The following FBXO25 variants were observed in gnomAD, a reference collection of about 807,000 sequenced individuals.
FBXO25 encodes the protein F-box protein 25.
FBXO25 carries 45 observed loss-of-function variants against 51.9 expected under a neutral mutation model. That is an observed-to-expected ratio of 0.87 (90% confidence interval 0.68 to 1.11). The LOEUF (loss-of-function observed/expected upper bound fraction) is 1.11. FBXO25 is among the 50% of genes most tolerant of loss of function. FBXO25 has a pLI of 0.00. For synonymous variants in FBXO25, 199 were observed against 151.0 expected, an observed-to-expected ratio of 1.32 and a Z score of -2.33; for missense variants, 507 against 428.5, an observed-to-expected ratio of 1.18 and a Z score of -1.62.
At chr8:442,016 T>C (rs532320971) in intron 5 of FBXO25, among the ~76,000 whole-genome samples, 4 of 152,332 alleles carry the variant, frequency 2.6e-5, no homozygotes, top group Admixed American at 6.5e-5. Context: ...TATAAAATAA[T>C]GACCTGGCAA....
intron 8 of FBXO25, among the ~76,000 whole-genome samples, chr8:462,585 C>G (rs1005567436): frequency 2.6e-5 from 4 of 152,272 alleles, no homozygotes; most frequent in South Asian, 2.1e-4. Flanking sequence ...ACTACACTGC[C>G]TTTGAAAAAT....
intron 8 of FBXO25, 62 bp from the exon 9 acceptor site, chr8:462,945 A>T: frequency 6.5e-7 from 1 of 1,531,758 alleles, no homozygotes. Context: ...AAAGTTTTAC[A>T]CCTAATATTA....
intron 7 of FBXO25, among the ~76,000 whole-genome samples, chr8:457,427 G>T (rs1469060594): frequency 6.6e-6 from 1 of 152,154 alleles, no homozygotes; most frequent in Admixed American, 6.5e-5. Flanking sequence ...CCTCAGCCTG[G>T]CACGTGCACA....
At chr8:434,437 A>T (rs141582180) in intron 4 of FBXO25, among the ~76,000 whole-genome samples, 3,423 of 152,306 alleles carry the variant, frequency 0.022, 116 homozygotes, top group African/African-American at 0.079. Context: ...CAGAGTTCCC[A>T]GGAAAATGTT....
At chr8:457,309 C>G (rs35157287) in intron 7 of FBXO25, among the ~76,000 whole-genome samples, 20,222 of 152,184 alleles carry the variant, frequency 0.13, 1,421 homozygotes, top group South Asian at 0.18. Flanking sequence ...AAGTCTGAAA[C>G]AGTTTGAGCT....
At chr8:443,154 G>A (rs1798532084) in intron 5 of FBXO25, among the ~76,000 whole-genome samples, 1 of 151,036 alleles carries the variant, frequency 6.6e-6, no homozygotes, top group Admixed American at 6.6e-5. Context: ...ATTGAACATA[G>A]ATTGCTGACG....
intron 5 of FBXO25, among the ~76,000 whole-genome samples, chr8:439,308 T>C (rs1255379921): frequency 1.3e-5 from 2 of 152,032 alleles, no homozygotes; most frequent in African/African-American, 4.8e-5. Context: ...GCTTGGGAGG[T>C]CCATGCAGGG....
At chr8:415,415 G>A (rs774451827) in intron 2 of FBXO25, among the ~76,000 whole-genome samples, 2 of 152,222 alleles carry the variant, frequency 1.3e-5, no homozygotes, top group African/African-American at 2.4e-5. Context: ...CAACATTCAT[G>A]ATATTACTGA....
In FBXO25 at chr8:473,329, CAG is replaced by C. The variant is rs1800542271; in HGVS notation, c.*4526_*4527del. ...AAAAGCCCTGGCTCACAGCATGAGA[CAG>C]TGTGTTCTAGGTGGTAACGTGGCAC... On this transcript the variant is annotated 3_prime_UTR_variant, in exon 10 of 10. Transcript: ENST00000350302. The C allele has an allele frequency of 6.6e-6, 1 of 152,322 alleles. No homozygotes were observed. The allele number at this position is 152,322 out of a possible 1,614,324, so 9.4% of individuals were successfully genotyped here.
At chr8:457,837 C>T (rs895309862) in intron 7 of FBXO25, among the ~76,000 whole-genome samples, 4 of 152,200 alleles carry the variant, frequency 2.6e-5, no homozygotes, top group Non-Finnish European at 5.9e-5. Flanking sequence ...GAAAAAAACC[C>T]CACAAAGCTA....
chr8:456,944 C>T (rs900851551), intron 7 of FBXO25, among the ~76,000 whole-genome samples: 7 of 152,186 alleles, frequency 4.6e-5, no homozygotes, highest in Non-Finnish European at 7.3e-5. Context: ...CTCCACTCTC[C>T]ACAGAGGTCA....
intron 1 of FBXO25, 116 bp from the exon 2 acceptor site, chr8:412,957 A>G: frequency 1.0e-6 from 1 of 953,992 alleles, no homozygotes; most frequent in Non-Finnish European, 1.5e-6. Context: ...CGTTTAATTA[A>G]TGAGCAGACA....
At chr8:462,918 A>C in intron 8 of FBXO25, 89 bp from the exon 9 acceptor site, 1 of 1,453,966 alleles carries the variant, frequency 6.9e-7, no homozygotes, top group Non-Finnish European at 9.3e-7. Context: ...AGAAATTAAA[A>C]ACTAAAATAA....
chr8:469,091 T>C lies in FBXO25; in HGVS notation c.*287T>C, dbSNP rs927805761. ...CTATATATATAGTTCAAAAATACTT[T>C]AGGTGGTCAGCTCCACATTCTTTGT... On this transcript the variant is annotated 3_prime_UTR_variant, in exon 10 of 10. Coordinates refer to ENST00000350302, the MANE Select transcript of FBXO25 (RefSeq NM_183420.2). 8 of 294,674 alleles carry C rather than the reference T, an allele frequency of 2.7e-5. No homozygotes were observed. The East Asian group carries it at 3.7e-4, about 14-fold the overall frequency. The allele number at this position is 294,674 out of a possible 1,614,324, so 18.3% of individuals were successfully genotyped here.
intron 5 of FBXO25, among the ~76,000 whole-genome samples, chr8:444,671 C>G (rs994219206): frequency 7.9e-5 from 12 of 152,118 alleles, no homozygotes; most frequent in African/African-American, 2.7e-4. Context: ...CGCAGTCATG[C>G]ACTACATAAC....
chr8:435,585 C>T, intron 4 of FBXO25, 30 bp from the exon 5 acceptor site: 1 of 1,590,988 alleles, frequency 6.3e-7, no homozygotes, highest in Non-Finnish European at 8.5e-7. Context: ...GGCTAATTGA[C>T]TAATTTTAAC....
Position 477,672 on chromosome 8 carries a change from C to T in FBXO25, c.*8868C>T, listed in dbSNP as rs1272719492. ...TGTTGGCTTTTCCAGCCATGGGGCT[C>T]TCTTGCCACTTGGCAGTAGTGGCAT... On this transcript the variant is annotated 3_prime_UTR_variant, in exon 10 of 10. Transcript: ENST00000350302. The T allele has an allele frequency of 6.7e-6, 1 of 148,780 alleles. No homozygotes were observed. The highest frequency in any genetic ancestry group is 2.1e-4 in the South Asian group (1 of 4,832). The allele number at this position is 148,780 out of a possible 1,614,324, so 9.2% of individuals were successfully genotyped here.
chr8:442,935 T>A (rs1173070889), intron 5 of FBXO25, among the ~76,000 whole-genome samples: 1 of 152,194 alleles, frequency 6.6e-6, no homozygotes, highest in African/African-American at 2.4e-5. Flanking sequence ...TTTCCTATAA[T>A]TACCCCCATA....
Position 473,697 on chromosome 8 carries a change from C to T in FBXO25, c.*4893C>T, listed in dbSNP as rs565096449. On this transcript the variant is annotated 3_prime_UTR_variant, in exon 10 of 10. Transcript: ENST00000350302. The stretch of plus-strand genomic sequence containing the variant: ...CCTGGGCTGGCTCTTGGACCATAAC[C>T]AGCGTTCACTGAGGATGCGGTTTCT... 1 of 152,094 alleles carries T rather than the reference C, an allele frequency of 6.6e-6. No individual in the cohort carries two copies. Among genetic ancestry groups the T allele is most frequent in the South Asian group, 2.1e-4 (1 of 4,804 alleles). The allele number at this position is 152,094 out of a possible 1,614,324, so 9.4% of individuals were successfully genotyped here. A position where few individuals can be genotyped will look rare whatever the true frequency, so the allele number is the denominator to read the frequency against.
Sources: allele counts gnomAD v4.1 joint callset (sites outside exome capture counted in the v4.1 genomes callset), GRCh38; gene constraint gnomAD v4.1.1; transcripts MANE v1.5; gene names NCBI Gene and HGNC (gene_info 2026-07-23, HGNC 2026-07-21).